The following SCHIP1 variants were observed in gnomAD, a reference collection of about 807,000 sequenced individuals.
The protein encoded by SCHIP1 is schwannomin interacting protein 1.
A neutral mutation model predicts 29.7 loss-of-function variants in SCHIP1; 8 were observed. The ratio of observed to expected loss-of-function variants is 0.27; its 90% CI spans 0.16 to 0.49. The LOEUF is 0.49. Among genes scored for constraint, SCHIP1 ranks in the 20% least tolerant of loss-of-function variants. The probability of loss-of-function intolerance (pLI) is 0.99; values close to 1 mark genes in which losing one functional copy is unlikely to be tolerated. For missense variants in SCHIP1, 193 were observed against 294.6 expected, an observed-to-expected ratio of 0.66 and a Z score of 2.52; for synonymous variants, 76 against 94.9, an observed-to-expected ratio of 0.80 and a Z score of 1.16.
chr3:159,601,349 C>T, the SCHIP1 span, among the ~76,000 whole-genome samples: 2 of 152,102 alleles, frequency 1.3e-5, no homozygotes, highest in South Asian at 4.1e-4. Flanking sequence ...CTTTTCTGCT[C>T]TCTATGGAAG....
At chr3:159,373,702 C>A in the SCHIP1 span, among the ~76,000 whole-genome samples, 3 of 152,074 alleles carry the variant, frequency 2.0e-5, no homozygotes, top group African/African-American at 7.2e-5. Context: ...GCAGAATGTT[C>A]TCCAATTCCA....
At chr3:159,814,677 G>A in the SCHIP1 span, among the ~76,000 whole-genome samples, 8 of 152,336 alleles carry the variant, frequency 5.3e-5, no homozygotes, top group South Asian at 8.3e-4. Context: ...TAAAGTGGGT[G>A]TGTAGCCCAG....
At chr3:159,588,716 T>C in the SCHIP1 span, among the ~76,000 whole-genome samples, 1 of 152,260 alleles carries the variant, frequency 6.6e-6, no homozygotes, top group Admixed American at 6.5e-5. Flanking sequence ...ATTTGTTGAA[T>C]AGGGAATCCT....
chr3:159,620,588 A>G, the SCHIP1 span, among the ~76,000 whole-genome samples: 1 of 152,198 alleles, frequency 6.6e-6, no homozygotes, highest in Non-Finnish European at 1.5e-5. Flanking sequence ...AAGTGAACTG[A>G]CCCTATAATT....
At chr3:159,389,276 A>T in the SCHIP1 span, among the ~76,000 whole-genome samples, 1 of 152,032 alleles carries the variant, frequency 6.6e-6, no homozygotes, top group African/African-American at 2.4e-5. Flanking sequence ...TATTTATTTA[A>T]TCCTCACAAA....
the SCHIP1 span, among the ~76,000 whole-genome samples, chr3:159,586,311 G>C: frequency 1.3e-5 from 2 of 152,152 alleles, no homozygotes; most frequent in Non-Finnish European, 2.9e-5. Context: ...CTTCCTCTAG[G>C]TTTGAAGCTG....
At chr3:159,381,055 T>C in the SCHIP1 span, among the ~76,000 whole-genome samples, 1 of 152,242 alleles carries the variant, frequency 6.6e-6, no homozygotes, top group South Asian at 2.1e-4. Flanking sequence ...GAACTGCATT[T>C]ACAAGGAGAT....
chr3:159,513,779 C>T, the SCHIP1 span, among the ~76,000 whole-genome samples: 4 of 152,176 alleles, frequency 2.6e-5, no homozygotes, highest in African/African-American at 9.7e-5. Context: ...GATTGCATGC[C>T]GCCCAATCAA....
At chr3:159,382,212 C>T in the SCHIP1 span, among the ~76,000 whole-genome samples, 2 of 121,820 alleles carry the variant, frequency 1.6e-5, no homozygotes, top group East Asian at 4.8e-4. Context: ...CACCCATTAA[C>T]TCCTCATTTA....
chr3:159,625,331 C>T, the SCHIP1 span, among the ~76,000 whole-genome samples: 1 of 152,054 alleles, frequency 6.6e-6, no homozygotes, highest in East Asian at 1.9e-4. Context: ...TGAAACAGCC[C>T]ACACATAATA....
chr3:159,299,761 A>C, the SCHIP1 span, among the ~76,000 whole-genome samples: 1 of 152,128 alleles, frequency 6.6e-6, no homozygotes, highest in Non-Finnish European at 1.5e-5. Flanking sequence ...TGTATTTCTG[A>C]TGCCCACAAA....
At chr3:159,278,805 A>C in the SCHIP1 span, among the ~76,000 whole-genome samples, 3 of 152,202 alleles carry the variant, frequency 2.0e-5, no homozygotes, top group African/African-American at 7.2e-5. Context: ...CCAAAAGTAT[A>C]ATAGCTCACA....
the SCHIP1 span, among the ~76,000 whole-genome samples, chr3:159,426,802 T>C: frequency 6.8e-3 from 1,030 of 152,218 alleles, 3 homozygotes; most frequent in Non-Finnish European, 9.6e-3. Flanking sequence ...ACTGGCAAAC[T>C]GAATCCAGCA....
At chr3:159,584,788 A>C in the SCHIP1 span, among the ~76,000 whole-genome samples, 1 of 152,084 alleles carries the variant, frequency 6.6e-6, no homozygotes, top group Non-Finnish European at 1.5e-5. Context: ...TGCATGCTGA[A>C]GTATGGGAAT....
the SCHIP1 span, among the ~76,000 whole-genome samples, chr3:159,788,499 G>C: frequency 6.6e-6 from 1 of 151,986 alleles, no homozygotes; most frequent in South Asian, 2.1e-4. Flanking sequence ...TTTCCTGTTG[G>C]TTCATCTACA....
chr3:159,507,945 C>G, the SCHIP1 span, among the ~76,000 whole-genome samples: 2 of 152,314 alleles, frequency 1.3e-5, no homozygotes, highest in East Asian at 1.9e-4. Flanking sequence ...TGTTGTGTCT[C>G]TGCCAGGCTT....
chr3:159,688,443 G>A, the SCHIP1 span, among the ~76,000 whole-genome samples: 2 of 151,990 alleles, frequency 1.3e-5, no homozygotes, highest in Non-Finnish European at 2.9e-5. Context: ...CTTTTTGATG[G>A]AGTTGTTTTT....
the SCHIP1 span, among the ~76,000 whole-genome samples, chr3:159,639,271 G>T: frequency 3.4e-3 from 519 of 152,078 alleles, 5 homozygotes; most frequent in African/African-American, 0.012. Flanking sequence ...ACCATTTATT[G>T]GATCTTAAAT....
At chr3:159,397,786 C>G in the SCHIP1 span, among the ~76,000 whole-genome samples, 1 of 152,162 alleles carries the variant, frequency 6.6e-6, no homozygotes, top group Non-Finnish European at 1.5e-5. Context: ...TTGTCTGTGC[C>G]CTGCCCCCAG....
Sources: allele counts gnomAD v4.1 joint callset (sites outside exome capture counted in the v4.1 genomes callset), GRCh38; gene constraint gnomAD v4.1.1; transcripts MANE v1.5; gene names NCBI Gene and HGNC (gene_info 2026-07-23, HGNC 2026-07-21).